KCND3: variants seen among roughly 807,000 people sequenced by gnomAD.
The protein encoded by KCND3 is potassium voltage-gated channel subfamily D member 3.
KCND3 carries 9 observed loss-of-function variants against 51.1 expected under a neutral mutation model. The ratio of observed to expected loss-of-function variants is 0.18; its 90% CI spans 0.11 to 0.31. KCND3 has a LOEUF of 0.31. Among genes scored for constraint, KCND3 ranks in the 10% least tolerant of loss-of-function variants. KCND3 has a pLI of 1.00. For missense variants in KCND3, 526 were observed against 903.8 expected, an observed-to-expected ratio of 0.58 and a Z score of 5.36; for synonymous variants, 349 against 368.0, an observed-to-expected ratio of 0.95 and a Z score of 0.59.
At chr1:111,891,657 T>C (rs1669826342) in intron 2 of KCND3, among the ~76,000 whole-genome samples, 1 of 152,214 alleles carries the variant, frequency 6.6e-6, no homozygotes, top group South Asian at 2.1e-4. Flanking sequence ...CCAGCAAACT[T>C]AATCATGTCT....
chr1:111,941,038 T>A (rs1346276569), intron 2 of KCND3, among the ~76,000 whole-genome samples: 1 of 152,174 alleles, frequency 6.6e-6, no homozygotes, highest in Non-Finnish European at 1.5e-5. Context: ...CAATAAATAC[T>A]TCTCAAAGGA....
At chr1:111,899,275 A>C (rs967425096) in intron 2 of KCND3, among the ~76,000 whole-genome samples, 2 of 152,218 alleles carry the variant, frequency 1.3e-5, no homozygotes, top group African/African-American at 4.8e-5. Flanking sequence ...TCTCATGAGG[A>C]TTCAATAAAA....
chr1:111,945,943 A>G (rs1427156234), intron 2 of KCND3, among the ~76,000 whole-genome samples: 2 of 152,178 alleles, frequency 1.3e-5, no homozygotes, highest in Non-Finnish European at 2.9e-5. Context: ...CCACCGTGTC[A>G]CTTACTAGCC....
intron 2 of KCND3, among the ~76,000 whole-genome samples, chr1:111,876,498 C>T (rs1438183107): frequency 6.6e-6 from 1 of 152,216 alleles, no homozygotes; most frequent in East Asian, 1.9e-4. Context: ...CCATCTGACA[C>T]CTCTGCTTCC....
In KCND3 at chr1:111,833,885, C is replaced by T. The variant is rs541776165; in HGVS notation, c.1107-46779G>A. ...TGAAAAAGAAAGAATAAGGGAAACC[C>T]AACAAGAAGTGGGCCTGAAGGGGAC... On this transcript the variant is annotated intron_variant, in intron 2 of 7. Coordinates refer to ENST00000302127, the MANE Select transcript of KCND3 (RefSeq NM_001378969.1). 3.0e-4 allele frequency among the ~76,000 whole-genome samples: 45 copies of T among 152,230 alleles called. 1 individual carries two copies. Among genetic ancestry groups the T allele is most frequent in the South Asian group, 8.3e-4 (4 of 4,822 alleles).
intron 2 of KCND3, among the ~76,000 whole-genome samples, chr1:111,889,449 G>T (rs965221850): frequency 1.3e-5 from 2 of 152,246 alleles, no homozygotes; most frequent in Non-Finnish European, 2.9e-5. Context: ...ATCTGTTCCT[G>T]TAGAGATCAG....
Position 111,786,989 on chromosome 1 carries a change from C to T in KCND3, c.1224G>A (p.Arg408=). Residue 408 remains arginine, a synonymous_variant, in exon 3 of 8, where the codon CGG becomes CGA. Coordinates refer to ENST00000302127, the MANE Select transcript of KCND3 (RefSeq NM_001378969.1). ...PVPVIVSNFS[R]IYHQNQRADK... ...CAGCTCTCTGATTCTGGTGGTAAAT[C>T]CGGCTAAAGTTGGAAACAATCACAG... The T allele has an allele frequency of 6.2e-7, 1 of 1,614,176 alleles. No individual in the cohort carries two copies.
chr1:111,786,029 TG>T (rs1167004644), intron 3 of KCND3, among the ~76,000 whole-genome samples: 2 of 152,232 alleles, frequency 1.3e-5, no homozygotes, highest in African/African-American at 4.8e-5. Flanking sequence ...CCATAACCCC[TG>T]GGGGCTGAGA....
intron 2 of KCND3, among the ~76,000 whole-genome samples, chr1:111,895,231 A>G (rs2813864): frequency 0.77 from 112,968 of 146,834 alleles, 43,724 homozygotes; most frequent in East Asian, 1. Context: ...GGAGGAGGGA[A>G]GGATGATTCT....
intron 2 of KCND3, among the ~76,000 whole-genome samples, chr1:111,873,316 A>G (rs943743670): frequency 8.5e-5 from 13 of 152,218 alleles, no homozygotes; most frequent in Non-Finnish European, 5.9e-5. Context: ...TCTAGCCAGG[A>G]CAAACGTGGC....
At chr1:111,915,200 CAT>C (rs1173889772) in intron 2 of KCND3, among the ~76,000 whole-genome samples, 2 of 151,900 alleles carry the variant, frequency 1.3e-5, no homozygotes, top group African/African-American at 4.8e-5. Context: ...GAGAGGAAAA[CAT>C]AAACAAATTA....
At chr1:111,807,730 G>A (rs1665644832) in intron 2 of KCND3, among the ~76,000 whole-genome samples, 1 of 152,190 alleles carries the variant, frequency 6.6e-6, no homozygotes, top group Admixed American at 6.5e-5. Flanking sequence ...GGAGCAATAG[G>A]CTAAACCACA....
chr1:111,856,524 C>T (rs1281362715), intron 2 of KCND3, among the ~76,000 whole-genome samples: 5 of 152,218 alleles, frequency 3.3e-5, no homozygotes, highest in Admixed American at 6.5e-5. Flanking sequence ...CCTCCAAACC[C>T]GGGCTTCCTG....
At chr1:111,927,310 C>A (rs1671750100) in intron 2 of KCND3, among the ~76,000 whole-genome samples, 1 of 152,242 alleles carries the variant, frequency 6.6e-6, no homozygotes, top group Non-Finnish European at 1.5e-5. Flanking sequence ...AGACTCTGTT[C>A]TCACTCCAAG....
At chr1:111,988,298 C>G (rs151080042) in intron 1 of KCND3, among the ~76,000 whole-genome samples, 21 of 152,264 alleles carry the variant, frequency 1.4e-4, no homozygotes, top group African/African-American at 4.8e-4. Flanking sequence ...GGGGGACAGG[C>G]TTGGGACACA....
chr1:111,956,264 G>C (rs1306014723), intron 2 of KCND3, among the ~76,000 whole-genome samples: 3 of 151,988 alleles, frequency 2.0e-5, no homozygotes, highest in Non-Finnish European at 4.4e-5. Flanking sequence ...TGTGCATCTG[G>C]AGCCCTGGGG....
chr1:111,923,228 A>G (rs570353950), intron 2 of KCND3, among the ~76,000 whole-genome samples: 1 of 152,316 alleles, frequency 6.6e-6, no homozygotes, highest in Admixed American at 6.5e-5. Flanking sequence ...AGTGGAGAGG[A>G]CACGGCTCAT....
intron 2 of KCND3, among the ~76,000 whole-genome samples, chr1:111,810,592 G>A (rs1174653901): frequency 1.3e-5 from 2 of 152,198 alleles, no homozygotes; most frequent in Non-Finnish European, 2.9e-5. Context: ...GCTGAGCCCA[G>A]GGAGGTGGAA....
At chr1:111,973,131 A>T (rs1200254991) in intron 2 of KCND3, among the ~76,000 whole-genome samples, 1 of 152,214 alleles carries the variant, frequency 6.6e-6, no homozygotes, top group African/African-American at 2.4e-5. Context: ...TTGCCTTTTT[A>T]ATTGTTTGGC....
Sources: gnomAD v4.1 joint callset for allele counts (sites outside exome capture counted in the v4.1 genomes callset) on GRCh38, gnomAD v4.1.1 for gene constraint, MANE v1.5 for transcripts, NCBI Gene and HGNC (gene_info 2026-07-23, HGNC 2026-07-21) for gene names.